FILIP1: variants seen among roughly 807,000 people sequenced by gnomAD.
FILIP1 encodes filamin A interacting protein 1, also known as filamin-A-interacting protein 1.
In FILIP1, 61 loss-of-function variants were observed where a neutral mutation model predicts 102.1. That is an observed-to-expected ratio of 0.60 (90% confidence interval 0.49 to 0.74). The LOEUF (loss-of-function observed/expected upper bound fraction) is 0.74, where lower values mean the gene tolerates loss of function less well. Among genes scored for constraint, FILIP1 ranks in the 30% least tolerant of loss-of-function variants. The pLI is 0.00. For missense variants in FILIP1, 1,314 were observed against 1,441.2 expected (o/e 0.91, Z 1.43); for synonymous variants, 491 against 526.9 (o/e 0.93, Z 0.93).
intron 2 of FILIP1, among the ~76,000 whole-genome samples, chr6:75,411,128 T>C (rs2149683514): frequency 6.6e-6 from 1 of 152,366 alleles, no homozygotes; most frequent in South Asian, 2.1e-4. Context: ...TAGCGTGAGA[T>C]GGTATCTCAC....
chr6:75,473,260 A>G (rs1779381694), intron 1 of FILIP1, among the ~76,000 whole-genome samples: 1 of 152,218 alleles, frequency 6.6e-6, no homozygotes, highest in South Asian at 2.1e-4. Context: ...GGAAGGGCTA[A>G]GGAAATGTTA....
chr6:75,319,885 G>T, intron 4 of FILIP1: 1 of 463,486 alleles, frequency 2.2e-6, no homozygotes, highest in Non-Finnish European at 3.9e-6. Flanking sequence ...AAGCACCTGG[G>T]TGCTTCTTCT....
chr6:75,407,576 A>G (rs1776915915), intron 2 of FILIP1, among the ~76,000 whole-genome samples: 1 of 152,158 alleles, frequency 6.6e-6, no homozygotes, highest in Admixed American at 6.5e-5. Flanking sequence ...CTCATTCAGA[A>G]TGAAGAGAGA....
In FILIP1 at chr6:75,316,343, T is replaced by C. The variant is rs1773446579; in HGVS notation, c.630-1141A>G. On this transcript the variant is annotated intron_variant, in intron 4 of 5. Coordinates refer to ENST00000237172, the MANE Select transcript of FILIP1 (RefSeq NM_015687.5). Reference sequence around the variant, plus strand: ...GTTATAAACAACCAATGACATGCACTTATTTAAGTATAATAGATTTTATTC... The same window carrying C: ...GTTATAAACAACCAATGACATGCACCTATTTAAGTATAATAGATTTTATTC... Among the ~76,000 whole-genome samples, 6 of 152,206 alleles carry C rather than the reference T, an allele frequency of 3.9e-5. No individual in the cohort carries two copies. In the South Asian group the frequency reaches 1.2e-3, roughly 32 times the overall value.
At chr6:75,439,731 C>T (rs182521530) in intron 1 of FILIP1, among the ~76,000 whole-genome samples, 13 of 152,328 alleles carry the variant, frequency 8.5e-5, no homozygotes, top group African/African-American at 2.9e-4. Flanking sequence ...TGACAAAGGT[C>T]ACTGGGTATC....
chr6:75,330,945 CGTA>C (rs1257410732), intron 4 of FILIP1, among the ~76,000 whole-genome samples: 1 of 152,004 alleles, frequency 6.6e-6, no homozygotes, highest in African/African-American at 2.4e-5. Flanking sequence ...AAGTTTAATC[CGTA>C]GTAATTTACC....
intron 1 of FILIP1, among the ~76,000 whole-genome samples, chr6:75,441,752 A>C (rs1582512618): frequency 7.7e-6 from 1 of 130,390 alleles, no homozygotes; most frequent in Non-Finnish European, 1.6e-5. Context: ...CTGGCCGGGC[A>C]GAGGGGCTCC....
At chr6:75,465,141 A>G (rs2951916) in intron 1 of FILIP1, 85,871 of 170,676 alleles carry the variant, frequency 0.5, 22,267 homozygotes, top group African/African-American at 0.59. Flanking sequence ...GGCAGCTACC[A>G]TGGGCTCTGG....
At chr6:75,325,509 A>G (rs888765731) in intron 4 of FILIP1, among the ~76,000 whole-genome samples, 5 of 152,224 alleles carry the variant, frequency 3.3e-5, no homozygotes, top group African/African-American at 1.2e-4. Flanking sequence ...CAAAGGACTA[A>G]TATCCAGAAT....
At chr6:75,373,048 A>G (rs2149629682) in intron 2 of FILIP1, among the ~76,000 whole-genome samples, 1 of 152,370 alleles carries the variant, frequency 6.6e-6, no homozygotes, top group African/African-American at 2.4e-5. Context: ...CCATTGACTG[A>G]TAAATGGACA....
At position 75,315,035 on chromosome 6, in the gene FILIP1, T is replaced by C. The variant is rs1394628165; in HGVS notation, c.797A>G (p.Gln266Arg). The C allele has an allele frequency of 5.6e-6, 9 of 1,614,154 alleles. No individual in the cohort carries two copies. The highest frequency in any genetic ancestry group is 7.6e-6 in the Non-Finnish European group (9 of 1,180,002). The change falls in exon 5 of 6, where the codon CAG becomes CGG. Residue 266 changes from glutamine to arginine, a missense_variant. By Grantham distance (43) the Gln-to-Arg change is conservative (BLOSUM62 1). Transcript: ENST00000237172. ...MHIEQLGLQS[Q>R]KVQDLTQKLR... ...CTTCTGAGTAAGATCCTGTACTTTC[T>C]GGCTTTGCAGGCCAAGTTGTTCAAT...
intron 4 of FILIP1, among the ~76,000 whole-genome samples, chr6:75,349,288 G>T (rs1219036377): frequency 6.6e-6 from 1 of 152,062 alleles, no homozygotes; most frequent in Non-Finnish European, 1.5e-5. Context: ...TACAGAGCAG[G>T]ACAAATGTGG....
chr6:75,381,200 A>G (rs1234284560), intron 2 of FILIP1, among the ~76,000 whole-genome samples: 1 of 152,076 alleles, frequency 6.6e-6, no homozygotes, highest in Non-Finnish European at 1.5e-5. Flanking sequence ...TAAATAATCT[A>G]TATCAGACTG....
intron 1 of FILIP1, among the ~76,000 whole-genome samples, chr6:75,419,229 C>T (rs1242978354): frequency 6.6e-6 from 1 of 152,184 alleles, no homozygotes; most frequent in Non-Finnish European, 1.5e-5. Context: ...CTCCCTAGCA[C>T]TCTCACCTTT....
chr6:75,323,852 T>A (rs1773743306), intron 4 of FILIP1, among the ~76,000 whole-genome samples: 1 of 152,172 alleles, frequency 6.6e-6, no homozygotes, highest in African/African-American at 2.4e-5. Flanking sequence ...CACGCTGTTA[T>A]AATAGTGAGG....
intron 2 of FILIP1, among the ~76,000 whole-genome samples, chr6:75,370,571 T>G (rs1229806961): frequency 7.1e-6 from 1 of 140,310 alleles, no homozygotes; most frequent in East Asian, 2.0e-4. Context: ...AGTCTCTTCT[T>G]TTTTTTTTTT....
rs114553645 is a variant in FILIP1 at position 75,456,393 on chromosome 6, C to T, written c.-7+37021G>A. Among the ~76,000 whole-genome samples, 769 of 152,136 alleles carry T rather than the reference C, an allele frequency of 5.1e-3. 6 individuals carry two copies. Among genetic ancestry groups the T allele is most frequent in the African/African-American group, 0.018 (727 of 41,476 alleles). On this transcript the variant is annotated intron_variant, in intron 1 of 5. Coordinates refer to ENST00000237172, the MANE Select transcript of FILIP1 (RefSeq NM_015687.5). The stretch of plus-strand genomic sequence containing the variant: ...ATTTAAACAATCTTTTGGCATCTAG[C>T]ATATATTGCAAGATATATTTATTTG...
intron 1 of FILIP1, among the ~76,000 whole-genome samples, chr6:75,461,103 T>C (rs1562633139): frequency 6.6e-6 from 1 of 152,150 alleles, no homozygotes; most frequent in Admixed American, 6.5e-5. Flanking sequence ...CCTCTTACTC[T>C]CTGAATCTGG....
intron 2 of FILIP1, among the ~76,000 whole-genome samples, chr6:75,392,296 T>C (rs751596639): frequency 2.1e-4 from 32 of 152,088 alleles, no homozygotes; most frequent in Non-Finnish European, 3.8e-4. Flanking sequence ...GACTTCCAAA[T>C]TGACAACTCC....
Sources: allele counts gnomAD v4.1 joint callset (sites outside exome capture counted in the v4.1 genomes callset), GRCh38; gene constraint gnomAD v4.1.1; transcripts MANE v1.5; gene names NCBI Gene and HGNC (gene_info 2026-07-23, HGNC 2026-07-21).